Variants in PRDM2 observed in about 807,000 individuals in gnomAD.
The protein encoded by PRDM2 is PR domain zinc finger protein 2.
In PRDM2, 30 loss-of-function variants were observed where a neutral mutation model predicts 130.0. That is an observed-to-expected ratio of 0.23 (90% CI 0.17 to 0.31). The LOEUF (loss-of-function observed/expected upper bound fraction) is 0.31. Among genes scored for constraint, PRDM2 ranks in the 10% least tolerant of loss-of-function variants. The pLI, the probability that PRDM2 is intolerant of heterozygous loss-of-function variation, is 1.00. For missense variants in PRDM2, 2,011 were observed against 2,108.4 expected (o/e 0.95, Z 0.90); for synonymous variants, 871 against 782.4 (o/e 1.11, Z -1.89).
Position 13,761,785 on chromosome 1 carries a change from C to CT in PRDM2, c.512-11290dup, listed in dbSNP as rs1644103949. Among the ~76,000 whole-genome samples, 3 of 152,212 alleles carry CT rather than the reference C, an allele frequency of 2.0e-5. No individual in the cohort carries two copies. The South Asian group carries it at 6.2e-4, about 32-fold the overall frequency. On this transcript the variant is annotated intron_variant, in intron 6 of 9. Coordinates refer to ENST00000311066, the MANE Select transcript of PRDM2 (RefSeq NM_001393986.1). ...AGCAATAAAATCAGTAGGTTACAGA[C>CT]TTTAAAAATGAAATACACTCACAGC...
intron 2 of PRDM2, among the ~76,000 whole-genome samples, chr1:13,717,263 C>A (rs1235565840): frequency 6.6e-6 from 1 of 152,154 alleles, no homozygotes; most frequent in Non-Finnish European, 1.5e-5. Flanking sequence ...TTTTCACAGT[C>A]ATCGTCCATC....
intron 8 of PRDM2, chr1:13,786,803 T>TG: frequency 7.8e-7 from 1 of 1,275,010 alleles, no homozygotes; most frequent in Non-Finnish European, 9.9e-7. Flanking sequence ...CTCCTCGTCA[T>TG]GGGACTGGTA....
chr1:13,812,332 CG>C (rs34646499), intron 8 of PRDM2, among the ~76,000 whole-genome samples: 129,619 of 151,800 alleles, frequency 0.85, 55,464 homozygotes, highest in Middle Eastern at 0.89. Context: ...GTAAGCACAG[CG>C]GGGGGTCTCA....
At chr1:13,775,236 T>C (rs1038457176) in intron 7 of PRDM2, among the ~76,000 whole-genome samples, 8 of 152,236 alleles carry the variant, frequency 5.3e-5, no homozygotes, top group African/African-American at 1.9e-4. Context: ...TTTATGTTAC[T>C]TTGGACAGTT....
Position 13,816,573 on chromosome 1 carries a change from A to T in PRDM2, c.*23+3A>T. 6.2e-7 allele frequency: 1 copy of T among 1,614,016 alleles called. No homozygotes were observed. The highest frequency in any genetic ancestry group is 8.5e-7 in the Non-Finnish European group (1 of 1,179,936). ...ACACTCTGGCTGCTCCCTGACAGGT[A>T]CGAGGCAGGATGGAACAGCTTCTGG... On this transcript the variant is annotated splice_donor_region_variant and intron_variant, in intron 9 of 9. Coordinates refer to ENST00000311066, the MANE Select transcript of PRDM2 (RefSeq NM_001393986.1).
Position 13,780,766 on chromosome 1 carries a change from C to A in PRDM2, c.2971C>A (p.Pro991Thr). The A allele has an allele frequency of 6.4e-7, 1 of 1,553,336 alleles. No homozygotes were observed. ...TGCCACTCCGCCCCCTCCCCTCCTT[C>A]CTACCGTACCTCTTCCAGCCCCCTC... is the stretch of plus-strand genomic sequence containing the variant. ...TVATPPPPLL[P>T]TVPLPAPSSS... The change falls in exon 8 of 10, where the codon CCT becomes ACT. Residue 991 changes from proline to threonine, a missense_variant. Pro to Thr is a conservative substitution (Grantham distance 38). Coordinates refer to ENST00000311066, the MANE Select transcript of PRDM2 (RefSeq NM_001393986.1).
intron 9 of PRDM2, among the ~76,000 whole-genome samples, chr1:13,818,241 G>A (rs1278477486): frequency 3.9e-5 from 6 of 152,192 alleles, no homozygotes; most frequent in East Asian, 1.9e-4. Flanking sequence ...AACCAGAGTC[G>A]TTTGGAATGA....
chr1:13,781,259 T>C lies in PRDM2; in HGVS notation c.3464T>C (p.Ile1155Thr). The change falls in exon 8 of 10, where the codon ATT becomes ACT. Residue 1155 changes from isoleucine to threonine, a missense_variant. Physicochemically the swap from Ile to Thr is moderately conservative, Grantham distance 89. Coordinates refer to ENST00000311066, the MANE Select transcript of PRDM2 (RefSeq NM_001393986.1). This position sits in a 1 kb window ranked among gnomAD's most constrained non-coding sequence, Gnocchi z 6.1. ...SIKDLTKHLS[I>T]HAEEWPFKCE... ...AAAGATCTAACCAAACATTTATCTA[T>C]TCATGCTGAAGAATGGCCCTTCAAA... 6.2e-7 allele frequency: 1 copy of C among 1,614,256 alleles called. No homozygotes were observed. Among genetic ancestry groups the C allele is most frequent in the Non-Finnish European group, 8.5e-7 (1 of 1,180,040 alleles).
chr1:13,798,020 T>C (rs952855865), intron 8 of PRDM2, among the ~76,000 whole-genome samples: 1 of 152,188 alleles, frequency 6.6e-6, no homozygotes, highest in Non-Finnish European at 1.5e-5. Flanking sequence ...TTAATTCTTA[T>C]AACAACCCGG....
At chr1:13,786,284 G>A (rs1644737833) in intron 8 of PRDM2, among the ~76,000 whole-genome samples, 1 of 151,940 alleles carries the variant, frequency 6.6e-6, no homozygotes. Context: ...AAAAAAAAGT[G>A]CTAATTTCTC....
intron 8 of PRDM2, among the ~76,000 whole-genome samples, chr1:13,799,652 G>A (rs1259093765): frequency 6.6e-6 from 1 of 152,144 alleles, no homozygotes; most frequent in Non-Finnish European, 1.5e-5. Context: ...CTGCTCATAG[G>A]GAGAGTCCGT....
chr1:13,813,701 G>C (rs534337981), intron 8 of PRDM2, among the ~76,000 whole-genome samples: 1 of 152,342 alleles, frequency 6.6e-6, no homozygotes, highest in Admixed American at 6.5e-5. Flanking sequence ...CATTAGGCCA[G>C]GCAGTGGATG....
intron 8 of PRDM2, among the ~76,000 whole-genome samples, chr1:13,784,909 C>T (rs1356146594): frequency 6.6e-6 from 1 of 152,192 alleles, no homozygotes; most frequent in Admixed American, 6.5e-5. Flanking sequence ...TACCAAGTCA[C>T]CATAAACCTG....
intron 6 of PRDM2, among the ~76,000 whole-genome samples, chr1:13,752,894 C>A (rs1038932701): frequency 6.6e-6 from 1 of 152,166 alleles, no homozygotes; most frequent in Admixed American, 6.5e-5. Flanking sequence ...CCTAACCTCA[C>A]AAAGTTGTCA....
Position 13,744,560 on chromosome 1 carries a change from C to G in PRDM2, c.384+2403C>G, listed in dbSNP as rs563278750. Among the ~76,000 whole-genome samples, 3 of 152,246 alleles carry G rather than the reference C, an allele frequency of 2.0e-5. No homozygotes were observed. In the South Asian group the frequency reaches 6.2e-4, roughly 32 times the overall value. On this transcript the variant is annotated intron_variant, in intron 5 of 9. Transcript: ENST00000311066. ...ATATGTGACCACGCAAAGGATCTCT[C>G]TGTGTCTTAGTTTTCTCATCCATAA...
intron 6 of PRDM2, among the ~76,000 whole-genome samples, chr1:13,766,073 C>G (rs1185617802): frequency 2.6e-5 from 4 of 152,186 alleles, no homozygotes; most frequent in African/African-American, 9.6e-5. Context: ...ACCTGAAGTG[C>G]AGGTGACGGA....
intron 4 of PRDM2, among the ~76,000 whole-genome samples, chr1:13,736,350 G>A (rs915715324): frequency 3.3e-5 from 5 of 152,150 alleles, no homozygotes; most frequent in Middle Eastern, 6.8e-3. Context: ...AGGGGCTCAT[G>A]GGCTCAAGCG....
Position 13,780,549 on chromosome 1 carries a change from C to T in PRDM2, c.2754C>T (p.Ser918=), listed in dbSNP as rs767160662. The T allele has an allele frequency of 7.4e-6, 12 of 1,614,102 alleles. No homozygotes were observed. Among genetic ancestry groups the T allele is most frequent in the Non-Finnish European group, 1.0e-5 (12 of 1,180,014 alleles). The change falls in exon 8 of 10, where the codon TCC becomes TCT. Residue 918 remains serine (S), a synonymous_variant. Coordinates refer to ENST00000311066, the MANE Select transcript of PRDM2 (RefSeq NM_001393986.1). ...CCAGGAGCCCAAGTCCTTGTAAATC[C>T]CTAGAAGCTCAGCCAGATCCTGACC... ...DGTRSPSPCK[S]LEAQPDPDLG... is the part of the protein sequence containing the mutation.
Position 13,779,287 on chromosome 1 carries a change from A to G in PRDM2, c.1492A>G (p.Met498Val), listed in dbSNP as rs1328874397. The change falls in exon 8 of 10, where the codon ATG (methionine) becomes GTG (valine). Residue 498 changes from methionine (M) to valine (V), a missense_variant. This residue lies in a region of PRDM2 where 1,288 missense variants were observed against 1,237.7 expected (regional missense o/e 1.04). Transcript: ENST00000311066. The surrounding 1 kb of genome is among the most constrained non-coding windows in gnomAD (Gnocchi z 4.9). ...CKKVFGTHTN[M>V]RRHQRRVHER... ...AAAGGTTTTTGGAACTCATACTAAT[A>G]TGAGACGGCATCAGCGTAGAGTTCA... 1 of 1,614,136 alleles carries G rather than the reference A, an allele frequency of 6.2e-7. No homozygotes were observed. The highest frequency in any genetic ancestry group is 2.2e-5 in the East Asian group (1 of 44,876).
Sources: allele counts gnomAD v4.1 joint callset (sites outside exome capture counted in the v4.1 genomes callset), GRCh38; gene constraint gnomAD v4.1.1; regional missense constraint gnomAD v4.1.1; non-coding constraint Gnocchi (gnomAD v3.1); transcripts MANE v1.5; gene names NCBI Gene and HGNC (gene_info 2026-07-23, HGNC 2026-07-21).